Variants in ANO2 observed in about 807,000 individuals in gnomAD.
The protein encoded by ANO2 is anoctamin-2.
ANO2 carries 101 observed loss-of-function variants against 124.2 expected under a neutral mutation model. The observed-to-expected ratio is 0.81, with a 90% CI of 0.69 to 0.96. ANO2 has a LOEUF of 0.96. ANO2 is among the 40% of genes least tolerant of loss of function. The pLI, the probability that ANO2 is intolerant of heterozygous loss-of-function variation, is 0.00. For synonymous variants in ANO2, 486 were observed against 482.5 expected (o/e 1.01, Z -0.09); for missense variants, 1,293 against 1,274.5 (o/e 1.01, Z -0.22).
Position 5,732,521 on chromosome 12 carries a change from T to C in ANO2, c.1544A>G (p.Glu515Gly). The C allele has an allele frequency of 6.2e-7, 1 of 1,611,414 alleles. No homozygotes were observed. The highest frequency in any genetic ancestry group is 8.5e-7 in the Non-Finnish European group (1 of 1,178,652). ...LETNTTECGD[E>G]DDEDKLTWKD... ...TGAGCAGCAAGTCCAGCTTCATACC[T>C]CATCGCCACACTCCGTCGTGTTTGT... The change falls in exon 14 of 25, where the codon GAG (glutamate) becomes GGG (glycine). Residue 515 changes from glutamate (E) to glycine (G), a missense_variant and splice_region_variant. Physicochemically the swap from Glu to Gly is moderately conservative, Grantham distance 98 (BLOSUM62 -2). Transcript: ENST00000682330.
intron 14 of ANO2, among the ~76,000 whole-genome samples, chr12:5,718,239 C>G (rs952000230): frequency 6.6e-6 from 1 of 152,218 alleles, no homozygotes; most frequent in African/African-American, 2.4e-5. Context: ...CAAACGTTAG[C>G]AAGCCTAAGT....
chr12:5,732,671 G>A (rs1288009102), intron 13 of ANO2, 41 bp from the exon 14 acceptor site: 2 of 1,587,160 alleles, frequency 1.3e-6, no homozygotes, highest in African/African-American at 1.3e-5. Flanking sequence ...ACAAAAGGAA[G>A]AATGACCTTG....
chr12:5,740,250 T>C (rs990909345), intron 12 of ANO2: 2 of 276,540 alleles, frequency 7.2e-6, no homozygotes, highest in African/African-American at 4.4e-5. Flanking sequence ...GGAGCAGGGA[T>C]GGGAGAGACC....
chr12:5,578,594 C>A, intron 20 of ANO2, 76 bp from the exon 21 acceptor site: 2 of 1,455,434 alleles, frequency 1.4e-6, no homozygotes, highest in Admixed American at 2.3e-5. Flanking sequence ...CAGCTACAGC[C>A]CCTTGTCCTT....
intron 23 of ANO2, among the ~76,000 whole-genome samples, chr12:5,568,066 T>C (rs755374466): frequency 6.6e-6 from 1 of 152,156 alleles, no homozygotes; most frequent in African/African-American, 2.4e-5. Context: ...ACATACTTTG[T>C]TGTGTGCAAT....
At position 5,922,701 on chromosome 12, in the gene ANO2, A is replaced by G; in HGVS notation, c.126T>C (p.Gly42=). 6.3e-7 allele frequency: 1 copy of G among 1,589,170 alleles called. No individual in the cohort carries two copies. Among genetic ancestry groups the G allele is most frequent in the Non-Finnish European group, 8.6e-7 (1 of 1,169,336 alleles). Residue 42 remains glycine (G), a synonymous_variant, in exon 2 of 25, where the codon GGT becomes GGC. Coordinates refer to ENST00000682330, the MANE Select transcript of ANO2 (RefSeq NM_001364791.2). Reference sequence around the variant, plus strand: ...CGCCCTGCAGACCTGGGGCCCGGGGACCTGGCATCTTGAGACACTGCTGTC... The same window carrying G: ...CGCCCTGCAGACCTGGGGCCCGGGGGCCTGGCATCTTGAGACACTGCTGTC... ...KHGQQCLKMP[G]PRAPGLQGGS... is the part of the protein sequence containing the mutation.
intron 1 of ANO2, among the ~76,000 whole-genome samples, chr12:5,940,761 C>T (rs1054988885): frequency 6.6e-6 from 1 of 152,054 alleles, no homozygotes; most frequent in African/African-American, 2.4e-5. Flanking sequence ...AGGTATATGA[C>T]CAAGAGAACT....
chr12:5,821,988 A>G (rs1271504811), intron 7 of ANO2, among the ~76,000 whole-genome samples: 1 of 152,124 alleles, frequency 6.6e-6, no homozygotes, highest in African/African-American at 2.4e-5. Flanking sequence ...TTGACAGAGG[A>G]AGAGAAGACT....
At chr12:5,573,397 C>T (rs1942231306) in intron 23 of ANO2, among the ~76,000 whole-genome samples, 1 of 152,204 alleles carries the variant, frequency 6.6e-6, no homozygotes, top group African/African-American at 2.4e-5. Context: ...GGCTTTCCCA[C>T]ACGACAAGTC....
chr12:5,771,363 G>GA lies in ANO2; in HGVS notation c.1056-20394dup, dbSNP rs539078367. On this transcript the variant is annotated intron_variant, in intron 10 of 24. Transcript: ENST00000682330. ...CTAATTTCAACCTATGCTTACCCATGACATGTGTCTTTTAAGTAACAGTGT... is the reference window on the plus strand; with the variant it reads ...CTAATTTCAACCTATGCTTACCCATGAACATGTGTCTTTTAAGTAACAGTGT... 3.6e-3 allele frequency among the ~76,000 whole-genome samples: 547 copies of GA among 152,238 alleles called. 1 individual carries two copies. The highest frequency in any genetic ancestry group is 0.012 in the African/African-American group (492 of 41,464).
intron 14 of ANO2, among the ~76,000 whole-genome samples, chr12:5,669,799 CTA>C (rs1947901668): frequency 6.6e-6 from 1 of 152,214 alleles, no homozygotes; most frequent in South Asian, 2.1e-4. Context: ...ACTCTCCACT[CTA>C]TGTCATGTGA....
At chr12:5,597,745 G>C (rs901990621) in intron 20 of ANO2, among the ~76,000 whole-genome samples, 3 of 152,146 alleles carry the variant, frequency 2.0e-5, no homozygotes, top group African/African-American at 7.2e-5. Context: ...TCCCCAAATG[G>C]AAGTCCCAAT....
chr12:5,897,891 G>C (rs1307012204), intron 3 of ANO2, among the ~76,000 whole-genome samples: 1 of 151,970 alleles, frequency 6.6e-6, no homozygotes, highest in Non-Finnish European at 1.5e-5. Flanking sequence ...TAAAGGAAAA[G>C]ATCAATAAAA....
intron 4 of ANO2, chr12:5,839,588 C>G (rs765902398): frequency 4.4e-6 from 2 of 456,028 alleles, no homozygotes; most frequent in Non-Finnish European, 8.8e-6. Flanking sequence ...ATGGCACAAG[C>G]ATCTCTGGGT....
At chr12:5,915,783 A>C (rs568497518) in intron 3 of ANO2, among the ~76,000 whole-genome samples, 1 of 152,364 alleles carries the variant, frequency 6.6e-6, no homozygotes, top group South Asian at 2.1e-4. Context: ...CCTCTAGCTG[A>C]TGAATCTCCA....
intron 14 of ANO2, among the ~76,000 whole-genome samples, chr12:5,717,222 G>T (rs1319654984): frequency 6.6e-6 from 1 of 152,198 alleles, no homozygotes; most frequent in Admixed American, 6.5e-5. Context: ...CCCTTGGATT[G>T]CTCTTCCTTC....
chr12:5,629,750 G>A (rs895324813), intron 16 of ANO2, among the ~76,000 whole-genome samples: 2 of 152,148 alleles, frequency 1.3e-5, no homozygotes, highest in African/African-American at 4.8e-5. Context: ...GATGCTTGCT[G>A]ACACTGGCAA....
intron 14 of ANO2, among the ~76,000 whole-genome samples, chr12:5,664,177 C>T (rs767130259): frequency 2.0e-5 from 3 of 152,226 alleles, no homozygotes; most frequent in Non-Finnish European, 4.4e-5. Context: ...TGGGTATGTG[C>T]TAGAACAATG....
intron 13 of ANO2, among the ~76,000 whole-genome samples, chr12:5,735,859 G>A (rs1950840766): frequency 6.6e-6 from 1 of 152,026 alleles, no homozygotes; most frequent in Non-Finnish European, 1.5e-5. Flanking sequence ...GGTTTCCTGT[G>A]AAACCAGAAA....
Sources: gnomAD v4.1 joint callset for allele counts (sites outside exome capture counted in the v4.1 genomes callset) on GRCh38, gnomAD v4.1.1 for gene constraint, MANE v1.5 for transcripts, NCBI Gene and HGNC (gene_info 2026-07-23, HGNC 2026-07-21) for gene names.